PDE4D: variants seen among roughly 807,000 people sequenced by gnomAD.
PDE4D encodes 3',5'-cyclic-AMP phosphodiesterase 4D.
Under a neutral mutation model 87.4 loss-of-function variants are expected in PDE4D, and 24 were observed. The ratio of observed to expected loss-of-function variants is 0.27; its 90% CI spans 0.20 to 0.39. PDE4D has a LOEUF of 0.39. Ranked by LOEUF, PDE4D falls within the 10% of genes least tolerant of loss-of-function variation. The probability of loss-of-function intolerance (pLI) is 1.00; values close to 1 mark genes in which losing one functional copy is unlikely to be tolerated. For missense variants in PDE4D, 714 were observed against 1,041.0 expected, an observed-to-expected ratio of 0.69 and a Z score of 4.32; for synonymous variants, 384 against 383.2, an observed-to-expected ratio of 1.00 and a Z score of -0.02.
intron 11 of PDE4D, among the ~76,000 whole-genome samples, chr5:58,980,457 C>A (rs887637704): frequency 2.6e-5 from 4 of 152,144 alleles, no homozygotes; most frequent in African/African-American, 9.7e-5. Context: ...CCACTCAGTG[C>A]CTGGCACACA....
intron 1 of PDE4D, chr5:60,372,555 A>C (rs1203256745): frequency 6.6e-6 from 1 of 152,266 alleles, no homozygotes; most frequent in African/African-American, 2.4e-5. Context: ...ACCAAGACAG[A>C]CAAGCTCCTG....
chr5:59,949,949 G>A (rs1203249569), intron 3 of PDE4D, among the ~76,000 whole-genome samples: 1 of 152,094 alleles, frequency 6.6e-6, no homozygotes, highest in Non-Finnish European at 1.5e-5. Flanking sequence ...AAAGTTATGT[G>A]TTTAATTTAC....
At chr5:59,762,689 G>A (rs1245742836) in intron 1 of PDE4D, among the ~76,000 whole-genome samples, 1 of 147,438 alleles carries the variant, frequency 6.8e-6, no homozygotes, top group Admixed American at 6.8e-5. Flanking sequence ...TGTGTATATA[G>A]GTTCATATAT....
At chr5:59,668,804 A>AAAGAAGAAGAAGAAGAAGAAG (rs569736039) in intron 1 of PDE4D, among the ~76,000 whole-genome samples, 13 of 108,208 alleles carry the variant, frequency 1.2e-4, no homozygotes, top group African/African-American at 5.3e-4. Context: ...GAAGAAGAAG[A>AAAGAAGAAGAAGAAGAAGAAG]AAGAAGAAGA....
chr5:60,319,462 T>C (rs1470731331), intron 1 of PDE4D, among the ~76,000 whole-genome samples: 1 of 152,212 alleles, frequency 6.6e-6, no homozygotes, highest in East Asian at 1.9e-4. Flanking sequence ...AGTTTGATTG[T>C]CTGAAGCCTT....
intron 6 of PDE4D, among the ~76,000 whole-genome samples, chr5:59,009,820 C>G (rs1752404889): frequency 6.6e-6 from 1 of 152,112 alleles, no homozygotes; most frequent in Admixed American, 6.6e-5. Flanking sequence ...CTGATGTTAT[C>G]AAATTATTTC....
chr5:59,345,245 A>G (rs142411790), intron 1 of PDE4D, among the ~76,000 whole-genome samples: 1 of 152,318 alleles, frequency 6.6e-6, no homozygotes, highest in East Asian at 1.9e-4. Context: ...TGGTTTAGGA[A>G]AAGTCCAAAA....
At chr5:59,011,442 A>G (rs1293296685) in intron 6 of PDE4D, among the ~76,000 whole-genome samples, 1 of 152,230 alleles carries the variant, frequency 6.6e-6, no homozygotes, top group Non-Finnish European at 1.5e-5. Flanking sequence ...AGCATAGAGA[A>G]GACCTTAAAT....
chr5:59,207,116 C>T (rs938514989), intron 2 of PDE4D, among the ~76,000 whole-genome samples: 3 of 151,916 alleles, frequency 2.0e-5, no homozygotes, highest in Non-Finnish European at 4.4e-5. Context: ...CCCAAGAGCT[C>T]AAGGCTGCAG....
In PDE4D at chr5:60,160,823, T is replaced by C. The variant is rs146842994; in HGVS notation, c.42+24734A>G. On this transcript the variant is annotated intron_variant, in intron 2 of 16. Transcript: ENST00000502484. ...CACATCTCTTACTTTTTGTCCTAAA[T>C]GTGGAAATTGACAAATGAAAATTTA... The C allele has an allele frequency of 1.5e-4, 69 of 453,852 alleles. 1 individual carries two copies. The Middle Eastern group carries it at 1.6e-3, about 11-fold the overall frequency. 28.1% of individuals were successfully genotyped at this position (453,852 alleles called of 1,614,324 possible). A position where few individuals can be genotyped will look rare whatever the true frequency, so the allele number is the denominator to read the frequency against.
intron 1 of PDE4D, among the ~76,000 whole-genome samples, chr5:59,693,695 G>C (rs560762880): frequency 6.6e-6 from 1 of 152,270 alleles, no homozygotes; most frequent in African/African-American, 2.4e-5. Context: ...AAAAAAGTTA[G>C]GCAAGATTTG....
At chr5:60,460,490 T>C (rs1746838959) in intron 1 of PDE4D, 8 of 1,533,796 alleles carry the variant, frequency 5.2e-6, no homozygotes, top group Non-Finnish European at 6.3e-6. Context: ...AATTCTGACA[T>C]CTTCTGAAAA....
intron 1 of PDE4D, among the ~76,000 whole-genome samples, chr5:59,286,714 GCA>G (rs1299645030): frequency 3.9e-5 from 6 of 152,072 alleles, no homozygotes; most frequent in Non-Finnish European, 8.8e-5. Flanking sequence ...TCCTCATTCT[GCA>G]CACTCACATT....
At chr5:60,201,482 G>A (rs956380216) in intron 1 of PDE4D, among the ~76,000 whole-genome samples, 5 of 152,088 alleles carry the variant, frequency 3.3e-5, no homozygotes, top group African/African-American at 1.2e-4. Flanking sequence ...AAAGAGGAAA[G>A]CATGTGCAAT....
chr5:59,085,813 G>T (rs1450362797), intron 5 of PDE4D, among the ~76,000 whole-genome samples: 2 of 152,118 alleles, frequency 1.3e-5, no homozygotes, highest in Non-Finnish European at 2.9e-5. Context: ...GATGTTACTG[G>T]AGGTCTAAGA....
chr5:59,861,885 G>A (rs1169592115), intron 1 of PDE4D, among the ~76,000 whole-genome samples: 3 of 152,180 alleles, frequency 2.0e-5, no homozygotes, highest in Non-Finnish European at 4.4e-5. Context: ...GCAGATCAGA[G>A]GCTTAAAAGA....
chr5:59,386,621 G>A (rs1260972838), intron 1 of PDE4D, among the ~76,000 whole-genome samples: 1 of 146,316 alleles, frequency 6.8e-6, no homozygotes, highest in East Asian at 2.3e-4. Context: ...CTCCAGCCTG[G>A]GGCACAAAGC....
At chr5:59,514,742 T>A (rs1810875298) in intron 1 of PDE4D, among the ~76,000 whole-genome samples, 1 of 152,206 alleles carries the variant, frequency 6.6e-6, no homozygotes, top group South Asian at 2.1e-4. Flanking sequence ...TTAACCTCCA[T>A]GTACCTCTGT....
At chr5:59,107,801 C>T (rs1465372255) in intron 5 of PDE4D, among the ~76,000 whole-genome samples, 2 of 152,208 alleles carry the variant, frequency 1.3e-5, no homozygotes, top group Non-Finnish European at 2.9e-5. Context: ...AAATTGGCCA[C>T]ATGCCAGTTC....
Sources: gnomAD v4.1 joint callset for allele counts (sites outside exome capture counted in the v4.1 genomes callset) on GRCh38, gnomAD v4.1.1 for gene constraint, MANE v1.5 for transcripts, NCBI Gene and HGNC (gene_info 2026-07-23, HGNC 2026-07-21) for gene names.